MUC5B: variants seen among roughly 807,000 people sequenced by gnomAD.
The protein encoded by MUC5B is mucin-5B.
A neutral mutation model predicts 376.9 loss-of-function variants in MUC5B; 116 were observed. That is an observed-to-expected ratio of 0.31 (90% CI 0.26 to 0.36). MUC5B has a LOEUF of 0.36. Ranked by LOEUF, MUC5B falls within the 10% of genes least tolerant of loss-of-function variation. The pLI is 1.00. For missense variants in MUC5B, 7,165 were observed against 7,769.9 expected (o/e 0.92, Z 2.93); for synonymous variants, 3,517 against 3,390.9 (o/e 1.04, Z -1.29).
chr11:1,231,669 G>T, intron 14 of MUC5B, 109 bp downstream of exon 14: 1 of 1,344,534 alleles, frequency 7.4e-7, no homozygotes, highest in East Asian at 2.5e-5. Context: ...CCGGGGAGGG[G>T]GCTGCCCCCA....
chr11:1,253,946 AT>A lies in MUC5B; in HGVS notation c.15218-141del. On this transcript the variant is annotated intron_variant, in intron 33 of 48. Coordinates refer to ENST00000529681, the MANE Select transcript of MUC5B (RefSeq NM_002458.3). This position sits in a 1 kb window ranked among gnomAD's most constrained non-coding sequence, Gnocchi z 4.3. Reference sequence around the variant, plus strand: ...GGACCCCATTCTACACACTGGACCCATTTTTATAGACGAGGCAGCTGAGGCC... The same window carrying A: ...GGACCCCATTCTACACACTGGACCCATTTTATAGACGAGGCAGCTGAGGCC... 1 of 1,171,092 alleles carries A rather than the reference AT, an allele frequency of 8.5e-7. No homozygotes were observed. 72.5% of individuals were successfully genotyped at this position (1,171,092 alleles called of 1,614,324 possible).
Position 1,227,115 on chromosome 11 carries a change from A to T in MUC5B, c.546A>T (p.Thr182=). ...YIKVSIRLVL[T]FLWNGEDSAL... is the part of the protein sequence containing the mutation. ...AGGTCAGCATCCGGCTGGTGCTGACATTCCTGTGGAACGGAGAGGACAGTG... is the reference window on the plus strand; with the variant it reads ...AGGTCAGCATCCGGCTGGTGCTGACTTTCCTGTGGAACGGAGAGGACAGTG... Residue 182 remains threonine, a synonymous_variant, in exon 5 of 49, where the codon ACA becomes ACT. Transcript: ENST00000529681. 6.2e-7 allele frequency: 1 copy of T among 1,612,446 alleles called. No individual in the cohort carries two copies. Among genetic ancestry groups the T allele is most frequent in the Non-Finnish European group, 8.5e-7 (1 of 1,179,658 alleles).
rs868748778 is a variant in MUC5B at position 1,251,465 on chromosome 11, G to A, written c.14585G>A (p.Gly4862Asp). Reference protein sequence around the residue: ...STIATVMVPTGSTATASSTLG... With the variant: ...STIATVMVPTDSTATASSTLG... ...ATAGCCACCGTGATGGTGCCCACCG[G>A]TTCCACGGCCACCGCCTCCTCCACT... is the stretch of plus-strand genomic sequence containing the variant. The change falls in exon 31 of 49, where the codon GGT becomes GAT. Residue 4862 changes from glycine to aspartate, a missense_variant. Gly to Asp is a moderately conservative substitution (Grantham distance 94). Transcript: ENST00000529681. 2 of 1,610,900 alleles carry A rather than the reference G, an allele frequency of 1.2e-6. No individual in the cohort carries two copies. Among genetic ancestry groups the A allele is most frequent in the South Asian group, 1.1e-5 (1 of 90,918 alleles).
chr11:1,235,345 G>A lies in MUC5B; in HGVS notation c.2812G>A (p.Val938Ile), dbSNP rs370402303. ...CACCACCCACGGGACCTTCCGCATC[G>A]TCACCGAGAACATCCCCTGTGGGAC... is the stretch of plus-strand genomic sequence containing the variant. ...DNTTHGTFRI[V>I]TENIPCGTTG... is the part of the protein sequence containing the mutation. The change falls in exon 23 of 49, where the codon GTC becomes ATC. Residue 938 changes from valine (V) to isoleucine (I), a missense_variant. By Grantham distance (29) the Val-to-Ile change is conservative. Transcript: ENST00000529681. The A allele has an allele frequency of 8.7e-6, 14 of 1,612,754 alleles. No homozygotes were observed. The highest frequency in any genetic ancestry group is 7.7e-5 in the South Asian group (7 of 91,074).
intron 27 of MUC5B, 90 bp from the exon 28 acceptor site, chr11:1,239,709 T>A: frequency 1.3e-6 from 2 of 1,493,500 alleles, no homozygotes; most frequent in East Asian, 4.8e-5. Context: ...TGCTGGCTGG[T>A]GGGGGGCGGC....
Position 1,234,440 on chromosome 11 carries a change from G to C in MUC5B, c.2479-89G>C. 1 of 1,518,012 alleles carries C rather than the reference G, an allele frequency of 6.6e-7. No homozygotes were observed. The highest frequency in any genetic ancestry group is 8.9e-7 in the Non-Finnish European group (1 of 1,125,098). 94.0% of individuals were successfully genotyped at this position (1,518,012 alleles called of 1,614,324 possible). A position where few individuals can be genotyped will look rare whatever the true frequency, so the allele number is the denominator to read the frequency against. ...CGCCCTGGCCCATGCGTTGCCCTGG[G>C]TGCTGCTGGGTGCGCCTGTCCCAGA... On this transcript the variant is annotated intron_variant, in intron 20 of 48. Transcript: ENST00000529681. The surrounding 1 kb of genome is among the most constrained non-coding windows in gnomAD (Gnocchi z 6.3).
intron 19 of MUC5B, 71 bp downstream of exon 19, chr11:1,233,919 G>GT: frequency 7.2e-7 from 1 of 1,387,640 alleles, no homozygotes; most frequent in Non-Finnish European, 9.9e-7. Context: ...GCCCCAACAC[G>GT]CCCCACCCTG....
At chr11:1,256,115 C>G (rs374792734) in intron 37 of MUC5B, 41 bp from the exon 38 acceptor site, 2 of 713,590 alleles carry the variant, frequency 2.8e-6, no homozygotes, top group Non-Finnish European at 5.2e-6. Context: ...CCTGGGCCCC[C>G]CCAACCCCTT....
rs1331842472 is a variant in MUC5B, at chr11:1,239,899, T to C, written c.3684T>C (p.Tyr1228=). 6.2e-7 allele frequency: 1 copy of C among 1,613,304 alleles called. No homozygotes were observed. Among genetic ancestry groups the C allele is most frequent in the South Asian group, 1.1e-5 (1 of 90,972 alleles). Residue 1228 remains tyrosine, a synonymous_variant, in exon 28 of 49, where the codon TAT becomes TAC. Coordinates refer to ENST00000529681, the MANE Select transcript of MUC5B (RefSeq NM_002458.3). The part of the protein sequence containing the change: ...CGCYDKDGNY[Y]DVGARVPTAE... ...GCTACGACAAGGACGGAAACTACTA[T>C]GACGTCGGTGCAAGGGTCCCCACAG...
rs1244375775 is a variant in MUC5B at position 1,244,547 on chromosome 11, C to G, written c.7667C>G (p.Thr2556Ser). 9 of 1,612,836 alleles carry G rather than the reference C, an allele frequency of 5.6e-6. No individual in the cohort carries two copies. The highest frequency in any genetic ancestry group is 7.6e-6 in the Non-Finnish European group (9 of 1,179,390). ...ACCTGGACCCGCCTATCACAGACCA[C>G]CACACCCACGGCCACCATGTCCACA... ...GTTWTRLSQTTTPTATMSTAT... is the reference protein window; with the variant it reads ...GTTWTRLSQTSTPTATMSTAT... The change falls in exon 31 of 49, where the codon ACC becomes AGC. Residue 2556 changes from threonine (T) to serine (S), a missense_variant. By Grantham distance (58) the Thr-to-Ser change is moderately conservative. Transcript: ENST00000529681.
intron 47 of MUC5B, 46 bp from the exon 48 acceptor site, chr11:1,260,580 G>A: frequency 6.5e-7 from 1 of 1,548,274 alleles, no homozygotes; most frequent in Non-Finnish European, 8.9e-7. Context: ...CAGGCCCTCA[G>A]AGTGAGGGTC....
Position 1,251,714 on chromosome 11 carries a change from G to T in MUC5B, c.14834G>T (p.Cys4945Phe). 1 of 1,609,266 alleles carries T rather than the reference G, an allele frequency of 6.2e-7. No individual in the cohort carries two copies. Among genetic ancestry groups the T allele is most frequent in the Non-Finnish European group, 8.5e-7 (1 of 1,177,448 alleles). ...TCCCACTTCTCTACTCCCTGCTTCT[G>T]CAGGGCATTTGGACAGTTTTTCTCG... The part of the protein sequence containing the change: ...PSSHFSTPCF[C>F]RAFGQFFSPG... The change falls in exon 31 of 49, where the codon TGC becomes TTC. Residue 4945 changes from cysteine (C) to phenylalanine (F), a missense_variant. Around this residue, in one of 31 missense-constraint regions of MUC5B, gnomAD observed 730 missense variants for 592.7 expected, o/e 1.23. Transcript: ENST00000529681.
intron 23 of MUC5B, 183 bp from the exon 24 acceptor site, chr11:1,236,203 C>T (rs1046705321): frequency 6.9e-6 from 4 of 580,936 alleles, no homozygotes; most frequent in Non-Finnish European, 1.2e-5. Flanking sequence ...CCCAGCACTT[C>T]CTGGCCAGCC....
At position 1,229,573 on chromosome 11, in the gene MUC5B, G is replaced by A. The variant is rs2075861; in HGVS notation, c.1103-117G>A. 0.1 allele frequency: 96,016 copies of A among 933,158 alleles called. 5,574 individuals are homozygous for A. The highest frequency in any genetic ancestry group is 0.12 in the Admixed American group (5,310 of 44,372). The allele number at this position is 933,158 out of a possible 1,614,324, so 57.8% of individuals were successfully genotyped here. On this transcript the variant is annotated intron_variant, in intron 9 of 48. Coordinates refer to ENST00000529681, the MANE Select transcript of MUC5B (RefSeq NM_002458.3). ...AGCGAGTGCAGCTCAGGGCGGGGGC[G>A]GTGTCCTGGAGCAGGAATTCCTCCC...
chr11:1,248,589 G>T lies in MUC5B; in HGVS notation c.11709G>T (p.Thr3903=). Reference sequence around the variant, plus strand: ...CCACACCCACAACCAGTGGCTCCACGGTGACCCCCTCCTCCGTCCCGGGGA... The same window carrying T: ...CCACACCCACAACCAGTGGCTCCACTGTGACCCCCTCCTCCGTCCCGGGGA... ...TTTTPTTSGS[T]VTPSSVPGTT... is the part of the protein sequence containing the mutation. Residue 3903 remains threonine, a synonymous_variant, in exon 31 of 49, where the codon ACG becomes ACT. Coordinates refer to ENST00000529681, the MANE Select transcript of MUC5B (RefSeq NM_002458.3). 1 of 1,612,458 alleles carries T rather than the reference G, an allele frequency of 6.2e-7. No homozygotes were observed. Among genetic ancestry groups the T allele is most frequent in the Non-Finnish European group, 8.5e-7 (1 of 1,179,298 alleles).
Position 1,250,943 on chromosome 11 carries a change from C to T in MUC5B, c.14063C>T (p.Thr4688Met), listed in dbSNP as rs185816733. The stretch of plus-strand genomic sequence containing the variant: ...CTGACCACCACGGCCACTACGATCA[C>T]GGCCACCGGCTCCACCACCAACCCC... The part of the protein sequence containing the change: ...PSLTTTATTI[T>M]ATGSTTNPSS... Residue 4688 changes from threonine (T) to methionine (M), a missense_variant, in exon 31 of 49, where the codon ACG (threonine) becomes ATG (methionine). By Grantham distance (81) the Thr-to-Met change is moderately conservative. This residue lies in a region of MUC5B where 730 missense variants were observed against 592.7 expected (regional missense o/e 1.23). Transcript: ENST00000529681. The T allele has an allele frequency of 1.6e-3, 2,502 of 1,606,820 alleles. 10 individuals carry two copies. Among genetic ancestry groups the T allele is most frequent in the African/African-American group, 0.011 (799 of 74,588 alleles).
At chr11:1,256,628 T>G (rs1862844056) in intron 38 of MUC5B, 43 bp from the exon 39 acceptor site, 1 of 1,491,480 alleles carries the variant, frequency 6.7e-7, no homozygotes. Context: ...AGTGGAGGCC[T>G]CCTGGATCTC....
chr11:1,259,659 G>A, intron 44 of MUC5B, 97 bp from the exon 45 acceptor site: 1 of 1,266,196 alleles, frequency 7.9e-7, no homozygotes, highest in Non-Finnish European at 1.1e-6. Context: ...AGGGCTAAGG[G>A]GTCCTGGACC....
rs746881027 is a variant in MUC5B at position 1,247,090 on chromosome 11, A to G, written c.10210A>G (p.Thr3404Ala). 4 of 1,561,512 alleles carry G rather than the reference A, an allele frequency of 2.6e-6. No homozygotes were observed. In the South Asian group the frequency reaches 3.5e-5, roughly 14 times the overall value. Reference protein sequence around the residue: ...ATTITATGSTTNPSSTPGTTP... With the variant: ...ATTITATGSTANPSSTPGTTP... ...TACGATCACAGCCACCGGCTCCACC[A>G]CCAACCCCTCCTCAACTCCAGGGAC... Residue 3404 changes from threonine to alanine, a missense_variant, in exon 31 of 49, where the codon ACC becomes GCC. Transcript: ENST00000529681.
Sources: allele counts gnomAD v4.1 joint callset, GRCh38; gene constraint gnomAD v4.1.1; regional missense constraint gnomAD v4.1.1; non-coding constraint Gnocchi (gnomAD v3.1); transcripts MANE v1.5; gene names NCBI Gene and HGNC (gene_info 2026-07-23, HGNC 2026-07-21).